Variants in TRPC5 observed in about 807,000 individuals in gnomAD.
The protein encoded by TRPC5 is transient receptor potential cation channel subfamily C member 5.
A neutral mutation model predicts 56.5 loss-of-function variants in TRPC5; 9 were observed. That is an observed-to-expected ratio of 0.16 (90% CI 0.10 to 0.28). TRPC5 has a LOEUF of 0.28. Among genes scored for constraint, TRPC5 ranks in the 10% least tolerant of loss-of-function variants. TRPC5 has a pLI of 1.00. For missense variants in TRPC5, 469 were observed against 748.9 expected, an observed-to-expected ratio of 0.63 and a Z score of 4.36; for synonymous variants, 282 against 278.5, an observed-to-expected ratio of 1.01 and a Z score of -0.13.
At chrX:111,916,012 C>T (rs182368659) in intron 2 of TRPC5, among the ~76,000 whole-genome samples, 97 of 110,769 alleles carry the variant, frequency 8.8e-4, no homozygotes, top group Non-Finnish European at 1.7e-3. Flanking sequence ...GTAGTCCCAG[C>T]TAGTAGGGAG....
intron 3 of TRPC5, among the ~76,000 whole-genome samples, chrX:111,900,407 A>G (rs974885497): frequency 1.6e-4 from 18 of 112,307 alleles, no homozygotes; most frequent in African/African-American, 5.8e-4. Context: ...TCAAAGGTAT[A>G]TAGCTACACT....
Position 111,776,502 on chromosome X carries a change from G to A in TRPC5, c.2733C>T (p.Gly911=), listed in dbSNP as rs752011011. The A allele has an allele frequency of 5.0e-6, 6 of 1,208,960 alleles. No individual in the cohort carries two copies. Among genetic ancestry groups the A allele is most frequent in the South Asian group, 3.5e-5 (2 of 56,597 alleles). ...LSEVELGEVQ[G]AAQSSECPLA... ...GAGGGCATTCACTGCTCTGAGCAGC[G>A]CCCTGGACTTCACCTAATTCTACCT... The change falls in exon 11 of 11, where the codon GGC becomes GGT. Residue 911 remains glycine (G), a synonymous_variant. Transcript: ENST00000262839.
intron 1 of TRPC5, among the ~76,000 whole-genome samples, chrX:112,014,566 C>T (rs1053843507): frequency 8.9e-6 from 1 of 112,206 alleles, no homozygotes; most frequent in African/African-American, 3.2e-5. Context: ...GGATGCTCAA[C>T]AGCGATTGCT....
chrX:112,034,749 T>C (rs1469167490), intron 1 of TRPC5, among the ~76,000 whole-genome samples: 2 of 110,851 alleles, frequency 1.8e-5, no homozygotes, highest in Non-Finnish European at 3.8e-5. Context: ...ATCTAATTTG[T>C]TGTGACATAA....
At position 112,018,522 on chromosome X, in the gene TRPC5, C is replaced by G. The variant is rs7065379; in HGVS notation, c.-22+63357G>C. Among the ~76,000 whole-genome samples, 754 of 111,904 alleles carry G rather than the reference C, an allele frequency of 6.7e-3. 7 individuals carry two copies. The highest frequency in any genetic ancestry group is 0.023 in the African/African-American group (719 of 30,780). ...TATTATCTGTAAATCTTTCTCATGT[C>G]TTTTCAGAGAAGAGATGTGAAGAAG... On this transcript the variant is annotated intron_variant, in intron 1 of 10. Transcript: ENST00000262839.
chrX:111,971,638 A>T (rs943134779), intron 1 of TRPC5, among the ~76,000 whole-genome samples: 4 of 111,641 alleles, frequency 3.6e-5, no homozygotes, highest in Non-Finnish European at 7.5e-5. Flanking sequence ...CTTTCCTCTA[A>T]TAGAAACTCT....
chrX:112,061,441 A>G (rs1224982076), intron 1 of TRPC5, among the ~76,000 whole-genome samples: 1 of 111,695 alleles, frequency 9.0e-6, no homozygotes, highest in East Asian at 2.8e-4. Flanking sequence ...GAGGAGGAAT[A>G]CTGAGGGGGA....
intron 7 of TRPC5, among the ~76,000 whole-genome samples, chrX:111,818,450 T>C (rs1451286176): frequency 9.0e-6 from 1 of 111,392 alleles, no homozygotes; most frequent in Non-Finnish European, 1.9e-5. Flanking sequence ...CTTTGTCTTG[T>C]TCACTATTGT....
chrX:111,941,577 G>A (rs55989076), intron 2 of TRPC5, among the ~76,000 whole-genome samples: 3,331 of 111,932 alleles, frequency 0.03, 66 homozygotes, highest in Middle Eastern at 0.065. Flanking sequence ...GTGCAGGGTC[G>A]CTTGTTCCTT....
At chrX:111,802,406 A>G (rs1235960025) in intron 7 of TRPC5, among the ~76,000 whole-genome samples, 1 of 111,534 alleles carries the variant, frequency 9.0e-6, no homozygotes, top group Non-Finnish European at 1.9e-5. Context: ...GCAAAAGCAA[A>G]TTATATTTTT....
intron 1 of TRPC5, among the ~76,000 whole-genome samples, chrX:112,045,709 T>C (rs1043507757): frequency 7.1e-5 from 8 of 112,118 alleles, no homozygotes; most frequent in African/African-American, 2.3e-4. Context: ...ATTGCTCTGA[T>C]AATGTTGAGT....
chrX:112,025,138 G>A (rs994248758), intron 1 of TRPC5, among the ~76,000 whole-genome samples: 34 of 111,742 alleles, frequency 3.0e-4, no homozygotes, highest in South Asian at 1.1e-3. Flanking sequence ...GGTCTTTGTG[G>A]TCATGACAAT....
At chrX:111,976,474 A>G (rs1351484132) in intron 1 of TRPC5, among the ~76,000 whole-genome samples, 2 of 110,914 alleles carry the variant, frequency 1.8e-5, no homozygotes, top group Non-Finnish European at 3.8e-5. Context: ...TAAATATAGA[A>G]AAAGCTTACC....
chrX:111,904,301 G>A (rs1022820709), intron 3 of TRPC5, among the ~76,000 whole-genome samples: 2 of 112,155 alleles, frequency 1.8e-5, no homozygotes, highest in Non-Finnish European at 3.8e-5. Flanking sequence ...ATGAAATCAC[G>A]ACTTTTCAGG....
chrX:112,059,437 G>A (rs867896814), intron 1 of TRPC5, among the ~76,000 whole-genome samples: 22 of 112,058 alleles, frequency 2.0e-4, no homozygotes, highest in South Asian at 7.6e-4. Flanking sequence ...GCCACATGAC[G>A]CAGTTCCATT....
intron 1 of TRPC5, among the ~76,000 whole-genome samples, chrX:112,029,891 G>A (rs772311656): frequency 5.5e-5 from 6 of 108,168 alleles, no homozygotes; most frequent in Admixed American, 2.0e-4. Context: ...GCAATGGCGC[G>A]ATCTCGACTC....
intron 7 of TRPC5, among the ~76,000 whole-genome samples, chrX:111,783,737 T>C (rs193248238): frequency 2.3e-3 from 261 of 111,146 alleles, no homozygotes; most frequent in African/African-American, 7.4e-3. Flanking sequence ...ATGATGTCTT[T>C]ACTGGAGCAA....
At chrX:111,848,780 C>T (rs1923002350) in intron 5 of TRPC5, among the ~76,000 whole-genome samples, 1 of 112,050 alleles carries the variant, frequency 8.9e-6, no homozygotes, top group Non-Finnish European at 1.9e-5. Context: ...ATCAGTTTTA[C>T]GTACTCTTGG....
intron 2 of TRPC5, among the ~76,000 whole-genome samples, chrX:111,921,289 A>C (rs773648249): frequency 9.0e-6 from 1 of 111,633 alleles, no homozygotes; most frequent in Non-Finnish European, 1.9e-5. Context: ...CTGTGCTCCA[A>C]TAAATTTTAT....
Sources: allele counts gnomAD v4.1 joint callset (sites outside exome capture counted in the v4.1 genomes callset), GRCh38; gene constraint gnomAD v4.1.1; transcripts MANE v1.5; gene names NCBI Gene and HGNC (gene_info 2026-07-23, HGNC 2026-07-21).